The following EYS variants were observed in gnomAD, a reference collection of about 807,000 sequenced individuals.
EYS encodes the protein EGF-like photoreceptor maintenance factor.
A neutral mutation model predicts 282.1 loss-of-function variants in EYS; 250 were observed. The observed-to-expected ratio is 0.89, with a 90% CI of 0.80 to 0.98. The LOEUF (loss-of-function observed/expected upper bound fraction) is 0.98, where lower values mean the gene tolerates loss of function less well. EYS is among the 50% of genes least tolerant of loss of function. EYS has a pLI of 0.00. For missense variants in EYS, 4,016 were observed against 3,709.0 expected, an observed-to-expected ratio of 1.08 and a Z score of -2.15; for synonymous variants, 1,355 against 1,282.9, an observed-to-expected ratio of 1.06 and a Z score of -1.20.
Position 65,394,231 on chromosome 6 carries a change from CGT to C in EYS, c.1184+8245_1184+8246del, listed in dbSNP as rs140207729. Among the ~76,000 whole-genome samples the C allele has an allele frequency of 8.2e-3, 1,223 of 149,482 alleles. 38 individuals are homozygous for C. Among genetic ancestry groups the C allele is most frequent in the East Asian group, 0.052 (264 of 5,096 alleles). ...AAATTAGTGTGTGTGTATGTGCGCA[CGT>C]GTGTGTGTGTGTGTGTGCAAAATGG... On this transcript the variant is annotated intron_variant, in intron 7 of 42. Coordinates refer to ENST00000503581, the MANE Select transcript of EYS (RefSeq NM_001142800.2).
chr6:64,372,087 G>T (rs1226985332), intron 29 of EYS, among the ~76,000 whole-genome samples: 3 of 137,646 alleles, frequency 2.2e-5, no homozygotes, highest in East Asian at 4.7e-4. Context: ...ATGCAGACTT[G>T]TTTGTGTGGC....
At chr6:63,796,441 C>T (rs1284321850) in intron 37 of EYS, among the ~76,000 whole-genome samples, 1 of 152,138 alleles carries the variant, frequency 6.6e-6, no homozygotes, top group Non-Finnish European at 1.5e-5. Flanking sequence ...TGACTTTTAA[C>T]ATCATAGAAA....
chr6:65,344,379 T>TACA (rs1482609603), intron 9 of EYS, among the ~76,000 whole-genome samples: 4 of 151,492 alleles, frequency 2.6e-5, no homozygotes, highest in Non-Finnish European at 4.4e-5. Flanking sequence ...AACTGAGAAA[T>TACA]ACAGCATCAC....
At position 64,820,189 on chromosome 6, in the gene EYS, T is replaced by C. The variant is rs369415093; in HGVS notation, c.3243+1456A>G. 5.7e-4 allele frequency among the ~76,000 whole-genome samples: 86 copies of C among 152,130 alleles called. 2 individuals carry two copies. The East Asian group carries it at 0.015, about 26-fold the overall frequency. ...TTTTAATGGAATGATTCCTAAGATA[T>C]ACTTCTAAGACAAAAAAGTCACTGA... On this transcript the variant is annotated intron_variant, in intron 21 of 42. Coordinates refer to ENST00000503581, the MANE Select transcript of EYS (RefSeq NM_001142800.2).
chr6:65,369,925 A>C (rs1765072271), intron 8 of EYS, among the ~76,000 whole-genome samples: 1 of 151,714 alleles, frequency 6.6e-6, no homozygotes, highest in Admixed American at 6.7e-5. Context: ...TGGCACTGAC[A>C]ACCCAGTCCC....
At chr6:65,658,957 A>C (rs1359315823) in intron 1 of EYS, among the ~76,000 whole-genome samples, 1 of 151,352 alleles carries the variant, frequency 6.6e-6, no homozygotes, top group Non-Finnish European at 1.5e-5. Context: ...AGGTTTGTTT[A>C]GCTTTATTCT....
chr6:63,887,468 G>C (rs1004465011), intron 35 of EYS, among the ~76,000 whole-genome samples: 1 of 151,818 alleles, frequency 6.6e-6, no homozygotes, highest in Non-Finnish European at 1.5e-5. Context: ...AGTTCATCTC[G>C]TTGGGACTGG....
chr6:65,078,834 A>G (rs1275165693), intron 12 of EYS, among the ~76,000 whole-genome samples: 1 of 151,706 alleles, frequency 6.6e-6, no homozygotes, highest in Non-Finnish European at 1.5e-5. Context: ...ATCCCTCATG[A>G]CTTGGTGCTG....
intron 26 of EYS, among the ~76,000 whole-genome samples, chr6:64,453,311 C>T (rs1775430823): frequency 6.6e-6 from 1 of 152,130 alleles, no homozygotes; most frequent in Non-Finnish European, 1.5e-5. Context: ...AATGAGATAC[C>T]ATCTCACACC....
chr6:63,841,100 T>C (rs966876943), intron 36 of EYS, among the ~76,000 whole-genome samples: 1 of 152,200 alleles, frequency 6.6e-6, no homozygotes, highest in African/African-American at 2.4e-5. Context: ...CGGCTCAAAT[T>C]ATAATTGATA....
intron 7 of EYS, among the ~76,000 whole-genome samples, chr6:65,391,217 T>A (rs1478698478): frequency 1.3e-5 from 2 of 152,090 alleles, no homozygotes; most frequent in African/African-American, 4.8e-5. Context: ...ACAGGATACC[T>A]CCTGTCCCCT....
At chr6:64,883,311 A>G (rs1380914839) in intron 19 of EYS, among the ~76,000 whole-genome samples, 2 of 151,568 alleles carry the variant, frequency 1.3e-5, no homozygotes, top group African/African-American at 4.8e-5. Flanking sequence ...ATCGCTTTGA[A>G]GCAAACATAA....
chr6:63,979,452 A>G (rs1766992062), intron 35 of EYS, among the ~76,000 whole-genome samples: 1 of 151,958 alleles, frequency 6.6e-6, no homozygotes, highest in Non-Finnish European at 1.5e-5. Context: ...ATGATAAAAT[A>G]CATTTATATG....
chr6:65,263,093 C>A (rs1161070327), intron 12 of EYS, among the ~76,000 whole-genome samples: 1 of 152,096 alleles, frequency 6.6e-6, no homozygotes, highest in African/African-American at 2.4e-5. Context: ...ATAATCCCAG[C>A]CCTTTGGGAG....
intron 36 of EYS, among the ~76,000 whole-genome samples, chr6:63,826,289 G>C (rs907964977): frequency 1.6e-4 from 24 of 152,140 alleles, no homozygotes; most frequent in Admixed American, 1.6e-3. Flanking sequence ...AGGAATAAAA[G>C]AATTCTAAAA....
chr6:64,165,281 T>A (rs866971105), intron 31 of EYS, among the ~76,000 whole-genome samples: 43 of 152,230 alleles, frequency 2.8e-4, no homozygotes, highest in African/African-American at 9.4e-4. Context: ...TTGTCATGGC[T>A]GATACAGTAA....
intron 15 of EYS, among the ~76,000 whole-genome samples, chr6:64,933,975 G>A (rs13195023): frequency 0.061 from 9,302 of 151,966 alleles, 419 homozygotes; most frequent in Non-Finnish European, 0.097. Flanking sequence ...GGCCTGTTGG[G>A]GGGTCAGGGG....
chr6:65,036,229 A>G (rs1772766780), intron 13 of EYS, among the ~76,000 whole-genome samples: 1 of 151,922 alleles, frequency 6.6e-6, no homozygotes, highest in African/African-American at 2.4e-5. Context: ...AGAAATGAAG[A>G]AAGGACTCCC....
chr6:64,139,116 A>C (rs1774256344), intron 31 of EYS, among the ~76,000 whole-genome samples: 1 of 152,182 alleles, frequency 6.6e-6, no homozygotes, highest in Admixed American at 6.5e-5. Flanking sequence ...CTGAAAAGAA[A>C]AGAATTTGAG....
Sources: gnomAD v4.1 joint callset for allele counts (sites outside exome capture counted in the v4.1 genomes callset) on GRCh38, gnomAD v4.1.1 for gene constraint, MANE v1.5 for transcripts, NCBI Gene and HGNC (gene_info 2026-07-23, HGNC 2026-07-21) for gene names.